KCNIP1: variants seen among roughly 807,000 people sequenced by gnomAD.
The protein encoded by KCNIP1 is A-type potassium channel modulatory protein KCNIP1.
KCNIP1 carries 18 observed loss-of-function variants against 33.0 expected under a neutral mutation model. The observed-to-expected ratio is 0.55, with a 90% CI of 0.38 to 0.81. The LOEUF (loss-of-function observed/expected upper bound fraction) is 0.81, where lower values mean the gene tolerates loss of function less well. Among genes scored for constraint, KCNIP1 ranks in the 30% least tolerant of loss-of-function variants. KCNIP1 has a pLI of 0.00. For missense variants in KCNIP1, 238 were observed against 271.6 expected (o/e 0.88, Z 0.87); for synonymous variants, 93 against 98.3 (o/e 0.95, Z 0.32).
chr5:170,550,443 GATGATGATGGCA>G (rs1425811010), intron 1 of KCNIP1, among the ~76,000 whole-genome samples: 1 of 152,176 alleles, frequency 6.6e-6, no homozygotes, highest in African/African-American at 2.4e-5. Context: ...TTATGATGGT[GATGATGATGGCA>G]ATGATGATGA....
chr5:170,415,930 G>A (rs918155041), intron 1 of KCNIP1, among the ~76,000 whole-genome samples: 5 of 152,114 alleles, frequency 3.3e-5, no homozygotes, highest in African/African-American at 7.2e-5. Context: ...CACAGTCACC[G>A]CACAGCTCTC....
chr5:170,535,210 C>T (rs778368444), intron 1 of KCNIP1, among the ~76,000 whole-genome samples: 3 of 152,134 alleles, frequency 2.0e-5, no homozygotes, highest in Admixed American at 6.5e-5. Flanking sequence ...TCCCCAGAGA[C>T]GTTAGGAGGG....
chr5:170,435,881 G>A (rs1014919167), intron 1 of KCNIP1, among the ~76,000 whole-genome samples: 6 of 151,904 alleles, frequency 3.9e-5, no homozygotes, highest in Admixed American at 6.6e-5. Flanking sequence ...GTTTTCATGC[G>A]CAGGGAGGCC....
At chr5:170,619,059 C>A (rs1318228847) in intron 1 of KCNIP1, among the ~76,000 whole-genome samples, 1 of 152,128 alleles carries the variant, frequency 6.6e-6, no homozygotes, top group Non-Finnish European at 1.5e-5. Flanking sequence ...GGTAAGTGTT[C>A]CATAAACAGC....
intron 1 of KCNIP1, chr5:170,383,773 AC>A: frequency 3.1e-6 from 5 of 1,614,022 alleles, no homozygotes; most frequent in Non-Finnish European, 4.2e-6. Flanking sequence ...GTACTGGGGC[AC>A]CTTCTTGCCC....
intron 1 of KCNIP1, among the ~76,000 whole-genome samples, chr5:170,553,177 G>T (rs762326257): frequency 6.6e-6 from 1 of 152,240 alleles, no homozygotes; most frequent in Non-Finnish European, 1.5e-5. Flanking sequence ...CCTCACAACT[G>T]CCCCATGAGG....
intron 1 of KCNIP1, among the ~76,000 whole-genome samples, chr5:170,580,792 A>G (rs865969128): frequency 6.6e-5 from 10 of 152,344 alleles, no homozygotes; most frequent in Middle Eastern, 3.4e-3. Flanking sequence ...AAGGCCCTCT[A>G]TGGGTCCAAG....
At chr5:170,558,467 T>C (rs1561686096) in intron 1 of KCNIP1, among the ~76,000 whole-genome samples, 2 of 152,254 alleles carry the variant, frequency 1.3e-5, no homozygotes, top group Admixed American at 6.5e-5. Flanking sequence ...AGCCGCATCA[T>C]TGAACAGGTG....
At chr5:170,399,403 A>G (rs1019845251) in intron 1 of KCNIP1, among the ~76,000 whole-genome samples, 5 of 152,158 alleles carry the variant, frequency 3.3e-5, no homozygotes, top group African/African-American at 1.2e-4. Context: ...ATTTTATTAA[A>G]CCAGAGGCCT....
upstream of KCNIP1, among the ~76,000 whole-genome samples, chr5:170,503,393 C>T (rs1434870360): frequency 2.7e-5 from 3 of 112,528 alleles, no homozygotes; most frequent in Non-Finnish European, 5.4e-5. Flanking sequence ...GACTCCGTCT[C>T]AAAAAAAAAA....
At chr5:170,478,418 C>A (rs1173944895) in intron 1 of KCNIP1, among the ~76,000 whole-genome samples, 1 of 152,218 alleles carries the variant, frequency 6.6e-6, no homozygotes, top group Non-Finnish European at 1.5e-5. Context: ...CCCCGGCCTT[C>A]CAGTCCCATA....
chr5:170,619,887 C>G (rs1386021773), intron 1 of KCNIP1, among the ~76,000 whole-genome samples: 1 of 152,156 alleles, frequency 6.6e-6, no homozygotes, highest in Non-Finnish European at 1.5e-5. Context: ...ATCACTATGT[C>G]AGCATCCCCC....
intron 1 of KCNIP1, among the ~76,000 whole-genome samples, chr5:170,593,592 A>G (rs543608129): frequency 6.6e-6 from 1 of 152,340 alleles, no homozygotes; most frequent in African/African-American, 2.4e-5. Flanking sequence ...ATAATTGTTC[A>G]CATTCTGCTG....
intron 1 of KCNIP1, among the ~76,000 whole-genome samples, chr5:170,474,143 T>C (rs569862581): frequency 1.3e-5 from 2 of 152,336 alleles, no homozygotes; most frequent in Admixed American, 1.3e-4. Flanking sequence ...GAAATCCACA[T>C]TAGTAAAACA....
At chr5:170,732,172 T>C (rs1764230045) in intron 5 of KCNIP1, among the ~76,000 whole-genome samples, 1 of 152,172 alleles carries the variant, frequency 6.6e-6, no homozygotes, top group Admixed American at 6.5e-5. Flanking sequence ...AGAAACCAGG[T>C]CAAACATCCC....
intron 1 of KCNIP1, among the ~76,000 whole-genome samples, chr5:170,572,282 C>A (rs1757440417): frequency 6.6e-6 from 1 of 152,204 alleles, no homozygotes; most frequent in Non-Finnish European, 1.5e-5. Flanking sequence ...AAGCCAAATG[C>A]AACATCTGCT....
At chr5:170,570,701 G>GGGT in intron 1 of KCNIP1, among the ~76,000 whole-genome samples, 1 of 152,262 alleles carries the variant, frequency 6.6e-6, no homozygotes, top group Admixed American at 6.5e-5. Flanking sequence ...CAGCATTGGA[G>GGGT]CACCAGCGAC....
chr5:170,419,784 C>T (rs1755432149), intron 1 of KCNIP1, among the ~76,000 whole-genome samples: 1 of 152,210 alleles, frequency 6.6e-6, no homozygotes, highest in Non-Finnish European at 1.5e-5. Context: ...TTGTGGCTGT[C>T]CTACATCTGA....
At chr5:170,372,727 GTGTT>G (rs1413871959) in intron 1 of KCNIP1, among the ~76,000 whole-genome samples, 1 of 152,220 alleles carries the variant, frequency 6.6e-6, no homozygotes, top group East Asian at 1.9e-4. Flanking sequence ...TGGAGAACAA[GTGTT>G]TGTATTTGAA....
Sources: allele counts gnomAD v4.1 joint callset (sites outside exome capture counted in the v4.1 genomes callset), GRCh38; gene constraint gnomAD v4.1.1; transcripts MANE v1.5; gene names NCBI Gene and HGNC (gene_info 2026-07-23, HGNC 2026-07-21).